GFOD1: variants seen among roughly 807,000 people sequenced by gnomAD.
The protein encoded by GFOD1 is Gfo/Idh/MocA-like oxidoreductase domain containing 1, also known as glucose-fructose oxidoreductase domain-containing protein 1.
A neutral mutation model predicts 25.4 loss-of-function variants in GFOD1; 9 were observed. That is an observed-to-expected ratio of 0.35 (90% CI 0.21 to 0.62). The LOEUF is 0.62. GFOD1 is among the 20% of genes least tolerant of loss of function. GFOD1 has a pLI of 0.72. For missense variants in GFOD1, 403 were observed against 556.9 expected, an observed-to-expected ratio of 0.72 and a Z score of 2.78; for synonymous variants, 253 against 245.6, an observed-to-expected ratio of 1.03 and a Z score of -0.28.
At chr6:13,479,077 GA>G (rs1037812728) in intron 1 of GFOD1, among the ~76,000 whole-genome samples, 1 of 144,238 alleles carries the variant, frequency 6.9e-6, no homozygotes, top group Non-Finnish European at 1.5e-5. Context: ...AAAAAAAAAA[GA>G]AAAAATTTAA....
In GFOD1 at chr6:13,362,125, T is replaced by A. The variant is rs994459273; in HGVS notation, c.*2618A>T. ...GCTAGAAAATAATAATAATAATAAT[T>A]CCAATGTTTCCCCAAAAACTACTTT... On this transcript the variant is annotated 3_prime_UTR_variant, in exon 2 of 2. Transcript: ENST00000379287. The A allele has an allele frequency of 5.3e-5, 8 of 151,952 alleles. No homozygotes were observed. The highest frequency in any genetic ancestry group is 1.7e-4 in the African/African-American group (7 of 41,350). The allele number at this position is 151,952 out of a possible 1,614,324, so 9.4% of individuals were successfully genotyped here.
intron 1 of GFOD1, among the ~76,000 whole-genome samples, chr6:13,418,263 G>C (rs1786195152): frequency 6.6e-6 from 1 of 152,132 alleles, no homozygotes; most frequent in Admixed American, 6.5e-5. Flanking sequence ...AGGGACAAAA[G>C]AAAAATGAAG....
chr6:13,448,384 C>T (rs1584658282), intron 1 of GFOD1, among the ~76,000 whole-genome samples: 1 of 152,146 alleles, frequency 6.6e-6, no homozygotes, highest in Non-Finnish European at 1.5e-5. Flanking sequence ...AAGGGAGCCC[C>T]TCCTCCCAAT....
At chr6:13,373,586 G>A (rs1214830835) in intron 1 of GFOD1, among the ~76,000 whole-genome samples, 1 of 152,064 alleles carries the variant, frequency 6.6e-6, no homozygotes, top group East Asian at 1.9e-4. Context: ...CTAAGCATAT[G>A]AACAGAGCTA....
At chr6:13,378,775 C>T (rs1785303996) in intron 1 of GFOD1, among the ~76,000 whole-genome samples, 1 of 152,158 alleles carries the variant, frequency 6.6e-6, no homozygotes, top group Non-Finnish European at 1.5e-5. Context: ...CACATTAACC[C>T]CACCTCCTGC....
chr6:13,435,572 C>T (rs2127571104), intron 1 of GFOD1, among the ~76,000 whole-genome samples: 1 of 152,322 alleles, frequency 6.6e-6, no homozygotes, highest in East Asian at 1.9e-4. Context: ...GCAGTACATC[C>T]AAGCAGGTTG....
At chr6:13,479,089 A>G (rs1758692878) in intron 1 of GFOD1, among the ~76,000 whole-genome samples, 1 of 152,080 alleles carries the variant, frequency 6.6e-6, no homozygotes, top group Non-Finnish European at 1.5e-5. Flanking sequence ...AAAAATTTAA[A>G]TATAGTCTCT....
intron 1 of GFOD1, among the ~76,000 whole-genome samples, chr6:13,405,227 TA>T (rs1270393696): frequency 6.6e-6 from 1 of 152,246 alleles, no homozygotes; most frequent in African/African-American, 2.4e-5. Context: ...TACAGTATTT[TA>T]AAAGATAACA....
In GFOD1 at chr6:13,487,044, A is replaced by T. The variant is rs1758889168; in HGVS notation, c.-154T>A. ...CACCGGGCAAGGCGCCCGGGTGCCC[A>T]GAGCGCACCGAGCTGCAGGCGGAGC... On this transcript the variant is annotated 5_prime_UTR_variant, in exon 1 of 2. Transcript: ENST00000379287. The surrounding 1 kb of genome is among the most constrained non-coding windows in gnomAD (Gnocchi z 4.9). The T allele has an allele frequency of 2.3e-6, 2 of 886,688 alleles. No homozygotes were observed. Among genetic ancestry groups the T allele is most frequent in the Non-Finnish European group, 3.3e-6 (2 of 597,262 alleles). The allele number at this position is 886,688 out of a possible 1,614,324, so 54.9% of individuals were successfully genotyped here. A position where few individuals can be genotyped will look rare whatever the true frequency, so the allele number is the denominator to read the frequency against.
chr6:13,449,103 C>A (rs566356026), intron 1 of GFOD1, among the ~76,000 whole-genome samples: 1 of 152,080 alleles, frequency 6.6e-6, no homozygotes, highest in African/African-American at 2.4e-5. Flanking sequence ...CCTGGGCAAC[C>A]TAGTGAGACA....
Position 13,363,535 on chromosome 6 carries a change from T to C in GFOD1, c.*1208A>G, listed in dbSNP as rs1430460127. Reference sequence around the variant, plus strand: ...CAGGTGTCAGAATCCTGAAAGCAAATGCTGGAGCTAAGGAAAATCCTTTTT... The same window carrying C: ...CAGGTGTCAGAATCCTGAAAGCAAACGCTGGAGCTAAGGAAAATCCTTTTT... On this transcript the variant is annotated 3_prime_UTR_variant, in exon 2 of 2. Coordinates refer to ENST00000379287, the MANE Select transcript of GFOD1 (RefSeq NM_018988.4). 6.7e-6 allele frequency: 1 copy of C among 148,524 alleles called. No individual in the cohort carries two copies. The highest frequency in any genetic ancestry group is 1.5e-5 in the Non-Finnish European group (1 of 67,332). The allele number at this position is 148,524 out of a possible 1,614,324, so 9.2% of individuals were successfully genotyped here. A position where few individuals can be genotyped will look rare whatever the true frequency, so the allele number is the denominator to read the frequency against.
intron 1 of GFOD1, among the ~76,000 whole-genome samples, chr6:13,480,865 A>C (rs902122007): frequency 1.3e-5 from 2 of 152,236 alleles, no homozygotes; most frequent in African/African-American, 2.4e-5. Flanking sequence ...TACTGCATGC[A>C]GGAGGATAAG....
At chr6:13,484,273 T>C (rs916691760) in intron 1 of GFOD1, among the ~76,000 whole-genome samples, 3 of 152,184 alleles carry the variant, frequency 2.0e-5, no homozygotes, top group Non-Finnish European at 4.4e-5. Context: ...TCCAGGCCTT[T>C]GCTAAAAGGA....
chr6:13,479,549 G>A (rs931113070), intron 1 of GFOD1, among the ~76,000 whole-genome samples: 1 of 152,090 alleles, frequency 6.6e-6, no homozygotes, highest in Non-Finnish European at 1.5e-5. Context: ...TTCATTCTTG[G>A]TGAAACCCTT....
At chr6:13,484,941 T>C (rs183215373) in intron 1 of GFOD1, among the ~76,000 whole-genome samples, 4 of 152,346 alleles carry the variant, frequency 2.6e-5, no homozygotes, top group Admixed American at 1.3e-4. Context: ...GGACCAGTTT[T>C]GTACAAATTG....
At chr6:13,390,813 A>AAGG (rs1785587314) in intron 1 of GFOD1, among the ~76,000 whole-genome samples, 2 of 151,664 alleles carry the variant, frequency 1.3e-5, no homozygotes, top group East Asian at 1.9e-4. Flanking sequence ...GGAAGGAAGG[A>AAGG]AGGAAGGAAG....
chr6:13,430,163 GCAGT>G lies in GFOD1; in HGVS notation c.253+56471_253+56474del, dbSNP rs1210184044. 1.3e-5 allele frequency among the ~76,000 whole-genome samples: 2 copies of G among 152,196 alleles called. No homozygotes were observed. Among genetic ancestry groups the G allele is most frequent in the Admixed American group, 1.3e-4 (2 of 15,280 alleles). On this transcript the variant is annotated intron_variant, in intron 1 of 1. Coordinates refer to ENST00000379287, the MANE Select transcript of GFOD1 (RefSeq NM_018988.4). The surrounding 1 kb of genome is among the most constrained non-coding windows in gnomAD (Gnocchi z 4.1). Reference sequence around the variant, plus strand: ...CTTTTAAAATCCAGCCAGGCCGGGAGCAGTCGCTCATGCCTGTAACCCCAGCACT... The same window carrying G: ...CTTTTAAAATCCAGCCAGGCCGGGAGCGCTCATGCCTGTAACCCCAGCACT...
Position 13,387,500 on chromosome 6 carries a change from G to T in GFOD1, c.254-21838C>A, listed in dbSNP as rs1345218699. ...ATAAACGTAATCCATCACATAAACAGAACCAACAACAAAAACCACATGATT... is the reference window on the plus strand; with the variant it reads ...ATAAACGTAATCCATCACATAAACATAACCAACAACAAAAACCACATGATT... On this transcript the variant is annotated intron_variant, in intron 1 of 1. Coordinates refer to ENST00000379287, the MANE Select transcript of GFOD1 (RefSeq NM_018988.4). Among the ~76,000 whole-genome samples the T allele has an allele frequency of 2.6e-5, 4 of 152,236 alleles. No individual in the cohort carries two copies. The East Asian group carries it at 7.7e-4, about 29-fold the overall frequency.
chr6:13,462,848 T>C (rs1461250816), intron 1 of GFOD1, among the ~76,000 whole-genome samples: 3 of 152,200 alleles, frequency 2.0e-5, no homozygotes, highest in Non-Finnish European at 4.4e-5. Context: ...GCCACTGTCA[T>C]CTCCGTTCGT....
Sources: gnomAD v4.1 joint callset for allele counts (sites outside exome capture counted in the v4.1 genomes callset) on GRCh38, gnomAD v4.1.1 for gene constraint, Gnocchi (gnomAD v3.1) non-coding constraint, MANE v1.5 for transcripts, NCBI Gene and HGNC (gene_info 2026-07-23, HGNC 2026-07-21) for gene names.